Variants in WDR41 observed in about 807,000 individuals in gnomAD.
WDR41 encodes WD repeat-containing protein 41.
Under a neutral mutation model 69.3 loss-of-function variants are expected in WDR41, and 63 were observed. The observed-to-expected ratio is 0.91, with a 90% CI of 0.74 to 1.12. WDR41 has a LOEUF of 1.12. WDR41 is among the 50% of genes most tolerant of loss of function. WDR41 has a pLI of 0.00. For synonymous variants in WDR41, 185 were observed against 192.1 expected (o/e 0.96, Z 0.31); for missense variants, 543 against 534.5 (o/e 1.02, Z -0.16).
intron 1 of WDR41, chr5:77,546,343 A>C (rs1338884630): frequency 4.2e-6 from 1 of 240,424 alleles, no homozygotes; most frequent in African/African-American, 2.3e-5. Flanking sequence ...TGGTTCTTTG[A>C]AATGATAAAT....
At chr5:77,582,029 G>GA (rs56204214) in intron 1 of WDR41, among the ~76,000 whole-genome samples, 28,831 of 151,834 alleles carry the variant, frequency 0.19, 2,987 homozygotes, top group Admixed American at 0.24. Flanking sequence ...TTTAATTAGA[G>GA]AAAAAATCAA....
At chr5:77,550,069 T>A (rs1286861222) in intron 1 of WDR41, among the ~76,000 whole-genome samples, 1 of 152,116 alleles carries the variant, frequency 6.6e-6, no homozygotes, top group African/African-American at 2.4e-5. Context: ...GACCTCGACA[T>A]TTCACCATAT....
chr5:77,531,874 C>G (rs550739054), intron 1 of WDR41, among the ~76,000 whole-genome samples: 1 of 151,790 alleles, frequency 6.6e-6, no homozygotes, highest in East Asian at 1.9e-4. Context: ...TTATATGACT[C>G]CATTCATATA....
intron 1 of WDR41, among the ~76,000 whole-genome samples, chr5:77,603,220 G>A (rs554785063): frequency 1.3e-5 from 2 of 152,304 alleles, no homozygotes; most frequent in African/African-American, 4.8e-5. Context: ...ACAGGCATGA[G>A]CCACTGCGCC....
intron 2 of WDR41, among the ~76,000 whole-genome samples, chr5:77,478,489 G>T (rs1013372179): frequency 6.6e-6 from 1 of 152,118 alleles, no homozygotes. Flanking sequence ...GATCAAGTGG[G>T]CTTCATCACT....
chr5:77,437,359 A>G lies in WDR41; in HGVS notation c.1070T>C (p.Leu357Pro), dbSNP rs1216466172. 6.2e-7 allele frequency: 1 copy of G among 1,613,934 alleles called. No homozygotes were observed. Among genetic ancestry groups the G allele is most frequent in the Admixed American group, 1.7e-5 (1 of 60,020 alleles). ...RIWELREKQQLAAEPVPTGFF... is the reference protein window; with the variant it reads ...RIWELREKQQPAAEPVPTGFF... ...ACCTGTTGGTACAGGCTCAGCTGCA[A>G]GCTGCTGTTTTTCTCTTAACTCCCA... The change falls in exon 11 of 13, where the codon CTT (leucine) becomes CCT (proline). Residue 357 changes from leucine (L) to proline (P), a missense_variant. Leu to Pro is a moderately conservative substitution (Grantham distance 98, BLOSUM62 -3). Coordinates refer to ENST00000296679, the MANE Select transcript of WDR41 (RefSeq NM_018268.4).
intron 1 of WDR41, among the ~76,000 whole-genome samples, chr5:77,523,878 A>G (rs1274717429): frequency 6.6e-6 from 1 of 152,226 alleles, no homozygotes; most frequent in Admixed American, 6.5e-5. Flanking sequence ...AAAAAGCCAG[A>G]CTTGAATGAA....
chr5:77,468,709 T>C (rs1474777903), intron 2 of WDR41, among the ~76,000 whole-genome samples: 1 of 152,038 alleles, frequency 6.6e-6, no homozygotes, highest in African/African-American at 2.4e-5. Flanking sequence ...ACTGAAAAAA[T>C]AAAAATCTTA....
chr5:77,473,462 A>G (rs913843666), intron 2 of WDR41, among the ~76,000 whole-genome samples: 2 of 152,228 alleles, frequency 1.3e-5, no homozygotes, highest in African/African-American at 4.8e-5. Flanking sequence ...ATTAAACTAA[A>G]GAGCTTCTGC....
chr5:77,562,745 A>T (rs1250356509), intron 1 of WDR41, among the ~76,000 whole-genome samples: 2 of 152,198 alleles, frequency 1.3e-5, no homozygotes, highest in Non-Finnish European at 1.5e-5. Flanking sequence ...AAACAAATAC[A>T]GGTAAATTTT....
intron 1 of WDR41, among the ~76,000 whole-genome samples, chr5:77,490,059 T>C (rs1036660614): frequency 2.6e-5 from 4 of 152,170 alleles, no homozygotes; most frequent in African/African-American, 7.2e-5. Flanking sequence ...AAATCAACTC[T>C]GGATTTCTCA....
chr5:77,591,355 T>G (rs1338340438), intron 1 of WDR41, among the ~76,000 whole-genome samples: 3 of 152,160 alleles, frequency 2.0e-5, no homozygotes, highest in Non-Finnish European at 4.4e-5. Context: ...AGAACAACTT[T>G]TGGCTGTATT....
At chr5:77,491,997 G>T (rs1801817250) in intron 1 of WDR41, 173 bp downstream of exon 1, 3 of 808,534 alleles carry the variant, frequency 3.7e-6, no homozygotes, top group Non-Finnish European at 5.6e-6. Flanking sequence ...GAGGAGCTCC[G>T]GCTCCCGCGC....
intron 1 of WDR41, among the ~76,000 whole-genome samples, chr5:77,605,413 T>C (rs1744396711): frequency 6.6e-6 from 1 of 152,176 alleles, no homozygotes; most frequent in South Asian, 2.1e-4. Flanking sequence ...GGGTATTTTG[T>C]TGTTGTTTCC....
chr5:77,512,355 A>AGAGAGAGT (rs1335024335), intron 1 of WDR41, among the ~76,000 whole-genome samples: 1 of 119,320 alleles, frequency 8.4e-6, no homozygotes, highest in Non-Finnish European at 1.8e-5. Context: ...AGAGAGAGTG[A>AGAGAGAGT]GTGTGTGTGT....
At position 77,489,379 on chromosome 5, in the gene WDR41, A is replaced by G. The variant is rs1801664245; in HGVS notation, c.167+78T>C. 8 of 786,834 alleles carry G rather than the reference A, an allele frequency of 1.0e-5. No homozygotes were observed. The South Asian group carries it at 1.8e-4, about 18-fold the overall frequency. 48.7% of individuals were successfully genotyped at this position (786,834 alleles called of 1,614,324 possible). On this transcript the variant is annotated intron_variant, in intron 2 of 12. Transcript: ENST00000296679. ...TTAAATTTTTAGAAAAGATGTATTA[A>G]TTTTAAAGGTGTTTAACATAAAATT...
chr5:77,488,203 G>A (rs1390024960), intron 2 of WDR41, among the ~76,000 whole-genome samples: 2 of 152,190 alleles, frequency 1.3e-5, no homozygotes, highest in Non-Finnish European at 2.9e-5. Flanking sequence ...AGTGAGGGGT[G>A]CTGTATAGAC....
intron 8 of WDR41, among the ~76,000 whole-genome samples, chr5:77,444,235 C>A (rs1799288415): frequency 6.6e-6 from 1 of 152,124 alleles, no homozygotes; most frequent in African/African-American, 2.4e-5. Context: ...CCAAACAGGT[C>A]ATTCAAAATG....
intron 1 of WDR41, among the ~76,000 whole-genome samples, chr5:77,519,591 C>G (rs866485903): frequency 6.6e-6 from 1 of 151,504 alleles, no homozygotes; most frequent in Non-Finnish European, 1.5e-5. Context: ...TCTTGTGAAA[C>G]TTGTACCAGG....
Sources: gnomAD v4.1 joint callset for allele counts (sites outside exome capture counted in the v4.1 genomes callset) on GRCh38, gnomAD v4.1.1 for gene constraint, MANE v1.5 for transcripts, NCBI Gene and HGNC (gene_info 2026-07-23, HGNC 2026-07-21) for gene names.